SLC39A11: variants seen among roughly 807,000 people sequenced by gnomAD.
The protein encoded by SLC39A11 is zinc transporter ZIP11.
Under a neutral mutation model 36.1 loss-of-function variants are expected in SLC39A11, and 33 were observed. The ratio of observed to expected loss-of-function variants is 0.91; its 90% CI spans 0.69 to 1.22. The LOEUF is 1.22. Among genes scored for constraint, SLC39A11 ranks in the 50% most tolerant of loss-of-function variants. The probability of loss-of-function intolerance (pLI) is 0.00; values close to 1 mark genes in which losing one functional copy is unlikely to be tolerated. For missense variants in SLC39A11, 432 were observed against 430.3 expected, an observed-to-expected ratio of 1.00 and a Z score of -0.03; for synonymous variants, 166 against 170.3, an observed-to-expected ratio of 0.97 and a Z score of 0.20.
At chr17:73,043,942 A>G (rs1325486576) in intron 3 of SLC39A11, among the ~76,000 whole-genome samples, 1 of 152,210 alleles carries the variant, frequency 6.6e-6, no homozygotes, top group African/African-American at 2.4e-5. Context: ...AGAAGCCTTC[A>G]TAATATACCA....
intron 6 of SLC39A11, among the ~76,000 whole-genome samples, chr17:72,773,492 G>T (rs1005325003): frequency 9.2e-5 from 14 of 152,128 alleles, no homozygotes; most frequent in Non-Finnish European, 1.5e-4. Context: ...CACCCTGTAA[G>T]AAGTGCCTTT....
At chr17:72,982,991 T>G (rs550896863) in intron 4 of SLC39A11, among the ~76,000 whole-genome samples, 1 of 152,120 alleles carries the variant, frequency 6.6e-6, no homozygotes, top group South Asian at 2.1e-4. Flanking sequence ...CTATTAAATA[T>G]CCACCAGGAT....
At chr17:72,745,238 C>T (rs1195098680) in intron 6 of SLC39A11, among the ~76,000 whole-genome samples, 1 of 152,234 alleles carries the variant, frequency 6.6e-6, no homozygotes, top group Non-Finnish European at 1.5e-5. Flanking sequence ...TACACGGTAG[C>T]TTGAGAAGTG....
chr17:72,815,566 G>A (rs1259972341), intron 6 of SLC39A11, among the ~76,000 whole-genome samples: 1 of 151,464 alleles, frequency 6.6e-6, no homozygotes, highest in Non-Finnish European at 1.5e-5. Context: ...GCAGTGAGCC[G>A]AGATCACACC....
Position 72,748,182 on chromosome 17 carries a change from C to T in SLC39A11, c.602-11463G>A, listed in dbSNP as rs554158046. Among the ~76,000 whole-genome samples the T allele has an allele frequency of 7.9e-5, 12 of 152,062 alleles. No homozygotes were observed. In the East Asian group the frequency reaches 2.3e-3, roughly 29 times the overall value. ...CCTAAAAATACAAACATTAGCTGGG[C>T]GTGGTGGTGGGAGCCTGTAGTCCCA... On this transcript the variant is annotated intron_variant, in intron 6 of 9. Coordinates refer to ENST00000255559, the MANE Select transcript of SLC39A11 (RefSeq NM_139177.4).
intron 6 of SLC39A11, among the ~76,000 whole-genome samples, chr17:72,829,555 A>G (rs1253103189): frequency 6.6e-6 from 1 of 152,158 alleles, no homozygotes; most frequent in Non-Finnish European, 1.5e-5. Context: ...ACTTAGAGGC[A>G]GAGGGAAAGG....
At chr17:73,091,779 C>T (rs908454881) in intron 1 of SLC39A11, 1 of 152,250 alleles carries the variant, frequency 6.6e-6, no homozygotes, top group South Asian at 2.1e-4. Flanking sequence ...ATTCTCTGAC[C>T]GTTCCAACTT....
At chr17:72,877,174 T>C (rs1262043646) in intron 5 of SLC39A11, among the ~76,000 whole-genome samples, 3 of 152,220 alleles carry the variant, frequency 2.0e-5, no homozygotes, top group Admixed American at 1.3e-4. Context: ...CTTTAGATCA[T>C]TGTAAGCCTC....
intron 3 of SLC39A11, among the ~76,000 whole-genome samples, chr17:73,072,803 G>T (rs8065544): frequency 6.6e-6 from 1 of 152,078 alleles, no homozygotes; most frequent in African/African-American, 2.4e-5. Context: ...TCTCCTGTCC[G>T]TGCCTCATGT....
chr17:73,014,628 A>AT (rs1220385641), intron 4 of SLC39A11, among the ~76,000 whole-genome samples: 1 of 152,200 alleles, frequency 6.6e-6, no homozygotes, highest in African/African-American at 2.4e-5. Context: ...CTGCACTCCA[A>AT]CTTGGGTGAC....
chr17:72,688,555 G>C (rs1218510018), intron 7 of SLC39A11, among the ~76,000 whole-genome samples: 1 of 152,224 alleles, frequency 6.6e-6, no homozygotes, highest in African/African-American at 2.4e-5. Flanking sequence ...TGCTCCCCAT[G>C]TGTCCCCCAT....
intron 7 of SLC39A11, among the ~76,000 whole-genome samples, chr17:72,681,824 T>G (rs1285445032): frequency 6.6e-6 from 1 of 152,188 alleles, no homozygotes; most frequent in Non-Finnish European, 1.5e-5. Context: ...CCTTAGGATT[T>G]TCTTAATAAT....
chr17:72,981,686 A>G (rs1173575656), intron 4 of SLC39A11, among the ~76,000 whole-genome samples: 1 of 152,144 alleles, frequency 6.6e-6, no homozygotes. Flanking sequence ...GTATGAATCA[A>G]AAAAGACTAA....
At chr17:72,828,746 A>G (rs917235159) in intron 6 of SLC39A11, among the ~76,000 whole-genome samples, 7 of 152,098 alleles carry the variant, frequency 4.6e-5, no homozygotes, top group Admixed American at 1.3e-4. Flanking sequence ...CCAGGACACC[A>G]TATGGCCCCA....
intron 6 of SLC39A11, among the ~76,000 whole-genome samples, chr17:72,813,869 T>C (rs752239610): frequency 1.1e-4 from 17 of 152,182 alleles, no homozygotes; most frequent in Non-Finnish European, 2.9e-5. Context: ...GGCTAGAGTC[T>C]ACCTCCGTAA....
At chr17:72,968,703 G>A (rs1387402463) in intron 4 of SLC39A11, among the ~76,000 whole-genome samples, 4 of 152,184 alleles carry the variant, frequency 2.6e-5, no homozygotes, top group South Asian at 2.1e-4. Context: ...GGAAAAAAGC[G>A]TGGTGTTGAC....
intron 4 of SLC39A11, among the ~76,000 whole-genome samples, chr17:73,019,892 T>G (rs2058286570): frequency 6.6e-6 from 1 of 152,114 alleles, no homozygotes; most frequent in Non-Finnish European, 1.5e-5. Flanking sequence ...AAGACTCAGG[T>G]AAAGGTACAG....
intron 7 of SLC39A11, among the ~76,000 whole-genome samples, chr17:72,717,433 AGGATCC>A (rs2073455728): frequency 6.6e-6 from 1 of 152,100 alleles, no homozygotes; most frequent in Non-Finnish European, 1.5e-5. Context: ...GCTCTAGGGG[AGGATCC>A]TCCCTCGGCT....
chr17:72,824,036 C>CA (rs35071443), intron 6 of SLC39A11, among the ~76,000 whole-genome samples: 5,623 of 151,042 alleles, frequency 0.037, 337 homozygotes, highest in African/African-American at 0.11. Context: ...AATAAAAGCA[C>CA]AAAAAAACAT....
Sources: gnomAD v4.1 joint callset for allele counts (sites outside exome capture counted in the v4.1 genomes callset) on GRCh38, gnomAD v4.1.1 for gene constraint, MANE v1.5 for transcripts, NCBI Gene and HGNC (gene_info 2026-07-23, HGNC 2026-07-21) for gene names.